KCNIP4: variants seen among roughly 807,000 people sequenced by gnomAD.
The protein encoded by KCNIP4 is Kv channel-interacting protein 4.
KCNIP4 carries 12 observed loss-of-function variants against 34.0 expected under a neutral mutation model. The ratio of observed to expected loss-of-function variants is 0.35; its 90% CI spans 0.23 to 0.57. The LOEUF (loss-of-function observed/expected upper bound fraction) is 0.57, where lower values mean the gene tolerates loss of function less well. Among genes scored for constraint, KCNIP4 ranks in the 20% least tolerant of loss-of-function variants. KCNIP4 has a pLI of 0.83. For synonymous variants in KCNIP4, 124 were observed against 102.2 expected, an observed-to-expected ratio of 1.21 and a Z score of -1.29; for missense variants, 238 against 311.7, an observed-to-expected ratio of 0.76 and a Z score of 1.78.
At chr4:21,085,716 A>G (rs762949519) in intron 1 of KCNIP4, among the ~76,000 whole-genome samples, 1 of 152,204 alleles carries the variant, frequency 6.6e-6, no homozygotes, top group Non-Finnish European at 1.5e-5. Flanking sequence ...AGGAAGGAGG[A>G]GTGAGAAAAG....
In KCNIP4 at chr4:21,788,934, G is replaced by T. The variant is rs111453034; in HGVS notation, c.61+159637C>A. Among the ~76,000 whole-genome samples the T allele has an allele frequency of 1.1e-4, 16 of 152,052 alleles. No individual in the cohort carries two copies. In the East Asian group the frequency reaches 2.7e-3, roughly 26 times the overall value. ...CTAAAAATACAACAATTAGCCAGGC[G>T]TGGCGGCGCGCGTCTGTAGTCTCAA... is the stretch of plus-strand genomic sequence containing the variant. On this transcript the variant is annotated intron_variant, in intron 1 of 8. Coordinates refer to ENST00000382152, the MANE Select transcript of KCNIP4 (RefSeq NM_025221.6).
chr4:21,360,388 C>T (rs955481486), intron 1 of KCNIP4, among the ~76,000 whole-genome samples: 3 of 151,954 alleles, frequency 2.0e-5, no homozygotes, highest in African/African-American at 4.8e-5. Flanking sequence ...TATAAAGAGG[C>T]TTGCTTATCT....
At chr4:20,786,397 C>T (rs80231327) in intron 3 of KCNIP4, among the ~76,000 whole-genome samples, 2,597 of 152,150 alleles carry the variant, frequency 0.017, 31 homozygotes, top group Middle Eastern at 0.044. Flanking sequence ...CTCAGCAACA[C>T]GCAATTATAC....
chr4:20,801,946 C>T (rs983315895), intron 3 of KCNIP4, among the ~76,000 whole-genome samples: 27 of 151,374 alleles, frequency 1.8e-4, no homozygotes, highest in African/African-American at 6.6e-4. Context: ...CCATAAAAGA[C>T]ACATGTAACT....
chr4:21,783,098 A>G (rs915239513), intron 1 of KCNIP4, among the ~76,000 whole-genome samples: 2 of 152,186 alleles, frequency 1.3e-5, no homozygotes, highest in Admixed American at 6.5e-5. Context: ...TCATGGTGGT[A>G]AAAGAAATCT....
intron 1 of KCNIP4, among the ~76,000 whole-genome samples, chr4:21,371,129 G>C (rs1720412117): frequency 7.0e-6 from 1 of 143,650 alleles, no homozygotes; most frequent in Admixed American, 6.7e-5. Flanking sequence ...ACCAAATCTT[G>C]AAGGCTCTTC....
chr4:21,388,983 CTTGT>C (rs1327179699), intron 1 of KCNIP4, among the ~76,000 whole-genome samples: 1 of 80,986 alleles, frequency 1.2e-5, no homozygotes, highest in African/African-American at 3.3e-5. Context: ...CATATATTGT[CTTGT>C]TTTTTTTTTT....
intron 1 of KCNIP4, among the ~76,000 whole-genome samples, chr4:21,427,781 T>C (rs1305872148): frequency 6.6e-6 from 1 of 152,112 alleles, no homozygotes; most frequent in African/African-American, 2.4e-5. Context: ...GGAAATGAAT[T>C]TCGAGGAAGA....
At chr4:21,430,897 G>T (rs987879323) in intron 1 of KCNIP4, among the ~76,000 whole-genome samples, 3 of 150,998 alleles carry the variant, frequency 2.0e-5, no homozygotes, top group African/African-American at 7.3e-5. Context: ...AAATAGTTAC[G>T]CAATTTCAAA....
Position 20,803,214 on chromosome 4 carries a change from A to T in KCNIP4, c.289-44324T>A, listed in dbSNP as rs115951644. On this transcript the variant is annotated intron_variant, in intron 3 of 8. Transcript: ENST00000382152. ...TGCCTACATTAAAAAAAGAAGAAAG[A>T]TCTCAAATAGATAGTCTAACATTAT... Among the ~76,000 whole-genome samples, 1,145 of 151,948 alleles carry T rather than the reference A, an allele frequency of 7.5e-3. 12 individuals are homozygous for T. Among genetic ancestry groups the T allele is most frequent in the African/African-American group, 0.026 (1,089 of 41,444 alleles).
chr4:21,185,896 CCT>C (rs1755190689), intron 1 of KCNIP4, among the ~76,000 whole-genome samples: 1 of 152,140 alleles, frequency 6.6e-6, no homozygotes, highest in Admixed American at 6.6e-5. Flanking sequence ...TTTTTCCCTC[CCT>C]GTCTTAACAA....
intron 1 of KCNIP4, among the ~76,000 whole-genome samples, chr4:21,355,935 A>G (rs946793407): frequency 6.6e-6 from 1 of 152,200 alleles, no homozygotes; most frequent in Non-Finnish European, 1.5e-5. Context: ...CCAGCAGCAC[A>G]TCAAAAAGCT....
chr4:21,650,004 C>G (rs144962914), intron 1 of KCNIP4, among the ~76,000 whole-genome samples: 454 of 152,308 alleles, frequency 3.0e-3, no homozygotes, highest in African/African-American at 0.01. Context: ...TCACGTGAAA[C>G]CATTGTGTGT....
intron 1 of KCNIP4, among the ~76,000 whole-genome samples, chr4:21,928,450 T>C (rs183313923): frequency 6.6e-6 from 1 of 152,248 alleles, no homozygotes; most frequent in African/African-American, 2.4e-5. Context: ...GGATGAATGT[T>C]TTCCAGAAAC....
intron 1 of KCNIP4, among the ~76,000 whole-genome samples, chr4:21,312,535 C>T (rs1318927852): frequency 6.6e-6 from 1 of 152,162 alleles, no homozygotes; most frequent in Non-Finnish European, 1.5e-5. Flanking sequence ...GAGAGTCACA[C>T]CTTTTACAAA....
At chr4:21,777,262 C>T (rs1009492041) in intron 1 of KCNIP4, among the ~76,000 whole-genome samples, 2 of 152,178 alleles carry the variant, frequency 1.3e-5, no homozygotes, top group African/African-American at 2.4e-5. Flanking sequence ...CAGTCTCAGG[C>T]AGTTCTTTAT....
intron 1 of KCNIP4, among the ~76,000 whole-genome samples, chr4:21,075,328 TG>T: frequency 6.6e-6 from 1 of 152,326 alleles, no homozygotes; most frequent in South Asian, 2.1e-4. Flanking sequence ...GCTCTTGTAT[TG>T]GGTGCATATA....
chr4:21,013,077 T>C (rs1389956477), intron 1 of KCNIP4, among the ~76,000 whole-genome samples: 1 of 152,158 alleles, frequency 6.6e-6, no homozygotes, highest in Non-Finnish European at 1.5e-5. Flanking sequence ...ATGCTTGAAG[T>C]CTTTTAATAA....
At chr4:20,748,566 A>T (rs1231359821) in intron 5 of KCNIP4, among the ~76,000 whole-genome samples, 4 of 7,530 alleles carry the variant, frequency 5.3e-4, no homozygotes, top group African/African-American at 1.6e-3. Flanking sequence ...AATTTTATAT[A>T]TATATATATA....
Sources: gnomAD v4.1 joint callset for allele counts (sites outside exome capture counted in the v4.1 genomes callset) on GRCh38, gnomAD v4.1.1 for gene constraint, MANE v1.5 for transcripts, NCBI Gene and HGNC (gene_info 2026-07-23, HGNC 2026-07-21) for gene names.